CCDC83: variants seen among roughly 807,000 people sequenced by gnomAD.
CCDC83 encodes coiled-coil domain-containing protein 83.
In CCDC83, 54 loss-of-function variants were observed where a neutral mutation model predicts 50.1. The ratio of observed to expected loss-of-function variants is 1.08; its 90% CI spans 0.87 to 1.35. The LOEUF (loss-of-function observed/expected upper bound fraction) is 1.35. CCDC83 is among the 40% of genes most tolerant of loss of function. The pLI, the probability that CCDC83 is intolerant of heterozygous loss-of-function variation, is 0.00. For missense variants in CCDC83, 518 were observed against 473.9 expected (o/e 1.09, Z -0.86); for synonymous variants, 161 against 153.3 (o/e 1.05, Z -0.37).
chr11:85,895,049 TCTCTA>T (rs1038617450), intron 5 of CCDC83, among the ~76,000 whole-genome samples: 7 of 152,230 alleles, frequency 4.6e-5, no homozygotes, highest in African/African-American at 1.7e-4. Flanking sequence ...CCTTAATCCC[TCTCTA>T]CTCTCCTCTC....
intron 9 of CCDC83, 28 bp from the exon 10 acceptor site, chr11:85,916,000 A>G (rs1565159025): frequency 7.0e-7 from 1 of 1,438,346 alleles, no homozygotes; most frequent in Non-Finnish European, 9.7e-7. Flanking sequence ...AAATGTATAC[A>G]TAATTAATTC....
intron 5 of CCDC83, among the ~76,000 whole-genome samples, chr11:85,891,218 C>A (rs1438389082): frequency 2.0e-5 from 3 of 152,194 alleles, no homozygotes; most frequent in Non-Finnish European, 2.9e-5. Context: ...TGCCATCATG[C>A]ACCTTATCAA....
intron 7 of CCDC83, among the ~76,000 whole-genome samples, chr11:85,909,058 C>T (rs892785197): frequency 3.3e-5 from 5 of 152,168 alleles, no homozygotes; most frequent in Admixed American, 2.0e-4. Flanking sequence ...CTCAGTCTCT[C>T]AAGTAGTGGG....
At chr11:85,896,762 AT>A (rs11313356) in intron 6 of CCDC83, among the ~76,000 whole-genome samples, 43,796 of 146,584 alleles carry the variant, frequency 0.3, 6,636 homozygotes, top group African/African-American at 0.35. Flanking sequence ...AAAATATCTG[AT>A]TTTTTTTTTT....
intron 7 of CCDC83, among the ~76,000 whole-genome samples, chr11:85,908,396 CA>C (rs368967167): frequency 1.3e-5 from 2 of 151,068 alleles, no homozygotes; most frequent in South Asian, 2.1e-4. Context: ...ACTAAAGATG[CA>C]AAAAAAATAG....
intron 10 of CCDC83, among the ~76,000 whole-genome samples, chr11:85,918,140 A>G (rs1592208443): frequency 6.6e-6 from 1 of 152,248 alleles, no homozygotes; most frequent in African/African-American, 2.4e-5. Context: ...TCAAATAAAT[A>G]TTTATTGAGA....
intron 10 of CCDC83, chr11:85,916,801 A>AACCCTAGAG (rs2093478962): frequency 6.5e-6 from 1 of 152,764 alleles, no homozygotes; most frequent in African/African-American, 2.4e-5. Flanking sequence ...CAAAACAAGC[A>AACCCTAGAG]ACCCTAGAGA....
At chr11:85,881,845 T>C (rs955176821) in intron 3 of CCDC83, among the ~76,000 whole-genome samples, 2 of 152,246 alleles carry the variant, frequency 1.3e-5, no homozygotes, top group Non-Finnish European at 2.9e-5. Flanking sequence ...GAAGTTTGAT[T>C]ATGATGTGTC....
intron 10 of CCDC83, chr11:85,917,835 T>C (rs2135161750): frequency 6.6e-6 from 1 of 152,344 alleles, no homozygotes; most frequent in Non-Finnish European, 1.5e-5. Flanking sequence ...GATGTCATGA[T>C]GATCTCAGGC....
intron 5 of CCDC83, among the ~76,000 whole-genome samples, chr11:85,891,035 T>C (rs562329594): frequency 8.5e-5 from 13 of 152,190 alleles, no homozygotes; most frequent in Non-Finnish European, 1.8e-4. Flanking sequence ...GAAGACAGAA[T>C]GATATCAGCG....
chr11:85,865,286 A>G, intron 2 of CCDC83, 68 bp downstream of exon 2: 1 of 952,678 alleles, frequency 1.0e-6, no homozygotes, highest in Non-Finnish European at 1.7e-6. Flanking sequence ...GACTCATATA[A>G]CTGCAAATGC....
intron 5 of CCDC83, among the ~76,000 whole-genome samples, chr11:85,887,601 A>T (rs998780867): frequency 6.6e-6 from 1 of 151,994 alleles, no homozygotes; most frequent in African/African-American, 2.4e-5. Flanking sequence ...CTCTGTCCGC[A>T]CTCAAATCCT....
intron 10 of CCDC83, chr11:85,916,655 C>T (rs2093478402): frequency 5.9e-6 from 1 of 170,700 alleles, no homozygotes; most frequent in South Asian, 1.4e-4. Context: ...TTGATCGGGG[C>T]AGGAGTCTTC....
Position 85,911,263 on chromosome 11 carries a change from C to G in CCDC83, c.673-18C>G. ...GAATCAATAAGTACCAACATTCATT[C>G]TCTTCTTCTGAGAACAGGTTGCAAT... is the stretch of plus-strand genomic sequence containing the variant. On this transcript the variant is annotated intron_variant, in intron 7 of 10. Transcript: ENST00000342404. 6.4e-7 allele frequency: 1 copy of G among 1,574,430 alleles called. No individual in the cohort carries two copies. Among genetic ancestry groups the G allele is most frequent in the Non-Finnish European group, 8.6e-7 (1 of 1,160,836 alleles).
At chr11:85,888,565 A>G (rs2093337633) in intron 5 of CCDC83, among the ~76,000 whole-genome samples, 1 of 152,082 alleles carries the variant, frequency 6.6e-6, no homozygotes, top group South Asian at 2.1e-4. Flanking sequence ...CCCATTTGTC[A>G]TTAGTTTTTT....
chr11:85,919,318 T>C, intron 10 of CCDC83, 31 bp from the exon 11 acceptor site: 1 of 1,564,354 alleles, frequency 6.4e-7, no homozygotes, highest in Non-Finnish European at 8.6e-7. Context: ...GAATCACCTC[T>C]CCTATTCTTT....
At chr11:85,911,224 A>G (rs1449664776) in intron 7 of CCDC83, 57 bp from the exon 8 acceptor site, 3 of 1,341,236 alleles carry the variant, frequency 2.2e-6, no homozygotes, top group Non-Finnish European at 3.0e-6. Flanking sequence ...AAGAAAAGAA[A>G]ACTTAATAGA....
intron 3 of CCDC83, 124 bp from the exon 4 acceptor site, chr11:85,882,389 G>C: frequency 1.2e-6 from 1 of 802,340 alleles, no homozygotes. Context: ...GATGGAAGTA[G>C]AAGTCCAGGC....
intron 7 of CCDC83, among the ~76,000 whole-genome samples, chr11:85,908,716 C>A (rs1013107068): frequency 1.4e-5 from 2 of 146,880 alleles, no homozygotes; most frequent in Non-Finnish European, 3.0e-5. Flanking sequence ...CCAACCTGAC[C>A]AACATGATGA....
Sources: allele counts gnomAD v4.1 joint callset (sites outside exome capture counted in the v4.1 genomes callset), GRCh38; gene constraint gnomAD v4.1.1; transcripts MANE v1.5; gene names NCBI Gene and HGNC (gene_info 2026-07-23, HGNC 2026-07-21).